The following CRHR2 variants were observed in gnomAD, a reference collection of about 807,000 sequenced individuals.
The protein encoded by CRHR2 is corticotropin-releasing hormone receptor 2.
A neutral mutation model predicts 57.9 loss-of-function variants in CRHR2; 53 were observed. The ratio of observed to expected loss-of-function variants is 0.92; its 90% CI spans 0.73 to 1.15. The LOEUF (loss-of-function observed/expected upper bound fraction) is 1.15, where lower values mean the gene tolerates loss of function less well. Ranked by LOEUF, CRHR2 falls within the 50% of genes most tolerant of loss-of-function variation. The probability of loss-of-function intolerance (pLI) is 0.00; values close to 1 mark genes in which losing one functional copy is unlikely to be tolerated. For synonymous variants in CRHR2, 213 were observed against 220.9 expected, an observed-to-expected ratio of 0.96 and a Z score of 0.32; for missense variants, 532 against 542.6, an observed-to-expected ratio of 0.98 and a Z score of 0.19.
chr7:30,670,989 C>A (rs1216768565), intron 2 of CRHR2, among the ~76,000 whole-genome samples: 2 of 152,194 alleles, frequency 1.3e-5, no homozygotes. Context: ...GGGCTCTCCC[C>A]GTTTCAGATG....
At chr7:30,688,049 G>A (rs763157914) in intron 2 of CRHR2, among the ~76,000 whole-genome samples, 2 of 152,226 alleles carry the variant, frequency 1.3e-5, no homozygotes, top group Non-Finnish European at 2.9e-5. Flanking sequence ...CTAACTCCCA[G>A]TACCTCAGAA....
intron 1 of CRHR2, among the ~76,000 whole-genome samples, chr7:30,699,360 C>A (rs564551408): frequency 4.6e-5 from 7 of 152,282 alleles, no homozygotes; most frequent in African/African-American, 1.7e-4. Context: ...TCCCAGAGCC[C>A]ACTCTGTCCC....
chr7:30,682,491 G>C (rs768465829), upstream of CRHR2: 72 of 1,306,888 alleles, frequency 5.5e-5, no homozygotes, highest in Non-Finnish European at 6.2e-5. Context: ...CCGAGTGCAC[G>C]GAGCTGCGGG....
At position 30,653,392 on chromosome 7, in the gene CRHR2, A is replaced by G; in HGVS notation, c.*68T>C. 1 of 1,577,444 alleles carries G rather than the reference A, an allele frequency of 6.3e-7. No homozygotes were observed. Among genetic ancestry groups the G allele is most frequent in the East Asian group, 2.2e-5 (1 of 44,454 alleles). The stretch of plus-strand genomic sequence containing the variant: ...TCTCCTGCCCCACGAGAGCCTGCCC[A>G]GCACAGAGAACCCAGAGGAAGAAGG... On this transcript the variant is annotated 3_prime_UTR_variant, in exon 12 of 12. Transcript: ENST00000471646. The surrounding 1 kb of genome is among the most constrained non-coding windows in gnomAD (Gnocchi z 5.0).
Position 30,656,044 on chromosome 7 carries a change from A to G in CRHR2, c.832-32T>C, listed in dbSNP as rs375982100. The stretch of plus-strand genomic sequence containing the variant: ...GGAGGGCGGGCATGGGAAAGAGGGA[A>G]AAGGAAGGAGCACGTGTTTGAGATG... On this transcript the variant is annotated intron_variant, in intron 8 of 11. Coordinates refer to ENST00000471646, the MANE Select transcript of CRHR2 (RefSeq NM_001883.5). The surrounding 1 kb of genome is among the most constrained non-coding windows in gnomAD (Gnocchi z 4.4). 189 of 1,600,712 alleles carry G rather than the reference A, an allele frequency of 1.2e-4. No individual in the cohort carries two copies. The African/African-American group carries it at 1.7e-3, about 14-fold the overall frequency.
intron 11 of CRHR2, 194 bp downstream of exon 11, chr7:30,654,845 G>T (rs1238383452): frequency 2.6e-6 from 4 of 1,545,056 alleles, no homozygotes; most frequent in Non-Finnish European, 3.5e-6. Context: ...TGTTATTTCG[G>T]GGCTGCATAG....
At chr7:30,689,064 G>T in intron 2 of CRHR2, 1 of 808,094 alleles carries the variant, frequency 1.2e-6, no homozygotes, top group Non-Finnish European at 2.1e-6. Context: ...ATCAAACCAG[G>T]ACTGGAAACC....
chr7:30,657,568 G>T (rs925482996), intron 8 of CRHR2, among the ~76,000 whole-genome samples: 5 of 152,060 alleles, frequency 3.3e-5, no homozygotes, highest in African/African-American at 1.2e-4. Flanking sequence ...TGATTCTTCC[G>T]GACTTCCCTG....
intron 1 of CRHR2, among the ~76,000 whole-genome samples, chr7:30,694,317 TAGA>T: frequency 6.6e-6 from 1 of 152,208 alleles, no homozygotes; most frequent in Non-Finnish European, 1.5e-5. Context: ...GCCCTCACCT[TAGA>T]AGAGGCAAAG....
rs374483822 is a variant in CRHR2, at chr7:30,660,470, G to A, written c.831+103C>T. ...CGGGGGTGGCATATAGAGTGTGTGC[G>A]CAGGGCTGCCCATGCCACATCTTTC... On this transcript the variant is annotated intron_variant, in intron 8 of 11. Coordinates refer to ENST00000471646, the MANE Select transcript of CRHR2 (RefSeq NM_001883.5). 115 of 1,198,488 alleles carry A rather than the reference G, an allele frequency of 9.6e-5. 1 individual carries two copies. In the East Asian group the frequency reaches 1.6e-3, roughly 16 times the overall value. 74.2% of individuals were successfully genotyped at this position (1,198,488 alleles called of 1,614,324 possible).
intron 1 of CRHR2, among the ~76,000 whole-genome samples, chr7:30,694,338 C>T (rs1215550254): frequency 6.6e-6 from 1 of 152,178 alleles, no homozygotes; most frequent in East Asian, 1.9e-4. Context: ...AAGGAGAGGC[C>T]CTGGCTGGGG....
chr7:30,660,329 C>T lies in CRHR2; in HGVS notation c.831+244G>A, dbSNP rs1783945966. Among the ~76,000 whole-genome samples the T allele has an allele frequency of 6.6e-5, 10 of 152,250 alleles. 1 individual carries two copies. The highest frequency in any genetic ancestry group is 6.5e-4 in the Admixed American group (10 of 15,286). On this transcript the variant is annotated intron_variant, in intron 8 of 11. Transcript: ENST00000471646. ...GAAGTCTACCCATCAGATCCTTTCT[C>T]CTCCCAGAGAAAGAGCCCTGAGGTC...
At chr7:30,680,931 A>T (rs1440987694) in intron 2 of CRHR2, among the ~76,000 whole-genome samples, 1 of 151,974 alleles carries the variant, frequency 6.6e-6, no homozygotes, top group African/African-American at 2.4e-5. Context: ...GAGAGGCTTC[A>T]GACAAACAAT....
chr7:30,689,510 G>A (rs1784918493), intron 1 of CRHR2, among the ~76,000 whole-genome samples: 1 of 152,044 alleles, frequency 6.6e-6, no homozygotes, highest in Non-Finnish European at 1.5e-5. Flanking sequence ...CTCCTAGGCA[G>A]GGGTCTGCTC....
rs557524057 is a variant in CRHR2 at position 30,658,448 on chromosome 7, G to A, written c.831+2125C>T. 5.3e-5 allele frequency among the ~76,000 whole-genome samples: 8 copies of A among 152,270 alleles called. No homozygotes were observed. In the South Asian group the frequency reaches 6.2e-4, roughly 12 times the overall value. On this transcript the variant is annotated intron_variant, in intron 8 of 11. Coordinates refer to ENST00000471646, the MANE Select transcript of CRHR2 (RefSeq NM_001883.5). ...CCTAGCTGGGGGCCTGGAGGGGTTG[G>A]GGGTGGGGGAGATGACATCTTTCCT... is the stretch of plus-strand genomic sequence containing the variant.
chr7:30,673,370 T>C (rs1282272117), intron 2 of CRHR2, among the ~76,000 whole-genome samples: 1 of 151,952 alleles, frequency 6.6e-6, no homozygotes, highest in Non-Finnish European at 1.5e-5. Context: ...CACCATGCCA[T>C]GATCATTTGT....
upstream of CRHR2, chr7:30,686,599 AG>A: frequency 7.6e-7 from 1 of 1,307,936 alleles, no homozygotes; most frequent in Non-Finnish European, 1.1e-6. Flanking sequence ...GCTTGAGCAC[AG>A]GAATTCAAGA....
At chr7:30,661,289 TG>T (rs1480147021) in intron 7 of CRHR2, among the ~76,000 whole-genome samples, 1 of 152,186 alleles carries the variant, frequency 6.6e-6, no homozygotes, top group Non-Finnish European at 1.5e-5. Flanking sequence ...CCATCAACTT[TG>T]GGGAACTCAT....
At chr7:30,666,189 T>C (rs1007404169) in intron 3 of CRHR2, among the ~76,000 whole-genome samples, 1 of 152,162 alleles carries the variant, frequency 6.6e-6, no homozygotes, top group Non-Finnish European at 1.5e-5. Flanking sequence ...TCAGTTTTGA[T>C]GTCTATACAA....
Sources: gnomAD v4.1 joint callset for allele counts (sites outside exome capture counted in the v4.1 genomes callset) on GRCh38, gnomAD v4.1.1 for gene constraint, Gnocchi (gnomAD v3.1) non-coding constraint, MANE v1.5 for transcripts, NCBI Gene and HGNC (gene_info 2026-07-23, HGNC 2026-07-21) for gene names.